Variants in ANTXR2 observed in about 807,000 individuals in gnomAD.
The protein encoded by ANTXR2 is ANTXR cell adhesion molecule 2.
In ANTXR2, 44 loss-of-function variants were observed where a neutral mutation model predicts 73.7. The observed-to-expected ratio is 0.60, with a 90% CI of 0.47 to 0.77. The LOEUF (loss-of-function observed/expected upper bound fraction) is 0.77, where lower values mean the gene tolerates loss of function less well. Ranked by LOEUF, ANTXR2 falls within the 30% of genes least tolerant of loss-of-function variation. The pLI, the probability that ANTXR2 is intolerant of heterozygous loss-of-function variation, is 0.00. For synonymous variants in ANTXR2, 217 were observed against 205.9 expected, an observed-to-expected ratio of 1.05 and a Z score of -0.46; for missense variants, 604 against 592.5, an observed-to-expected ratio of 1.02 and a Z score of -0.20.
intron 16 of ANTXR2, among the ~76,000 whole-genome samples, chr4:79,931,661 G>A (rs1728064136): frequency 6.6e-6 from 1 of 152,268 alleles, no homozygotes; most frequent in South Asian, 2.1e-4. Context: ...GCACTTACAG[G>A]AAGTCTGTGA....
At chr4:80,068,070 G>A (rs2110123296) in intron 3 of ANTXR2, among the ~76,000 whole-genome samples, 1 of 152,270 alleles carries the variant, frequency 6.6e-6, no homozygotes, top group East Asian at 1.9e-4. Flanking sequence ...AGCATCTGCA[G>A]GGAGATTTTC....
At chr4:80,046,354 A>G (rs912464461) in intron 7 of ANTXR2, among the ~76,000 whole-genome samples, 6 of 151,754 alleles carry the variant, frequency 4.0e-5, no homozygotes, top group Non-Finnish European at 8.8e-5. Context: ...ATCTGCCACT[A>G]CTTTTTGGTT....
intron 11 of ANTXR2, among the ~76,000 whole-genome samples, chr4:80,012,380 A>C (rs1042504791): frequency 5.3e-5 from 8 of 152,176 alleles, no homozygotes; most frequent in Non-Finnish European, 1.0e-4. Flanking sequence ...TGAAAAAATC[A>C]AAAGAAGAAT....
intron 10 of ANTXR2, among the ~76,000 whole-genome samples, chr4:80,030,175 T>C (rs1184055943): frequency 6.6e-6 from 1 of 151,984 alleles, no homozygotes; most frequent in African/African-American, 2.4e-5. Flanking sequence ...AAATTAGAGC[T>C]AAGATTTGTT....
chr4:80,015,325 C>A (rs1043435069), intron 11 of ANTXR2, among the ~76,000 whole-genome samples: 3 of 152,188 alleles, frequency 2.0e-5, no homozygotes, highest in Non-Finnish European at 4.4e-5. Context: ...AACATTCCCC[C>A]ATAACCACCA....
chr4:79,912,518 G>A (rs987044629), intron 16 of ANTXR2, among the ~76,000 whole-genome samples: 1 of 151,884 alleles, frequency 6.6e-6, no homozygotes, highest in Non-Finnish European at 1.5e-5. Flanking sequence ...AACTTATATT[G>A]AAAACATTAC....
At chr4:80,034,728 T>G (rs188548856) in intron 8 of ANTXR2, among the ~76,000 whole-genome samples, 4 of 152,318 alleles carry the variant, frequency 2.6e-5, no homozygotes, top group Admixed American at 1.3e-4. Context: ...TTTTGCCTGC[T>G]TAAGGCTTCT....
At chr4:79,988,932 A>C (rs1730333931) in intron 12 of ANTXR2, among the ~76,000 whole-genome samples, 1 of 152,150 alleles carries the variant, frequency 6.6e-6, no homozygotes, top group East Asian at 1.9e-4. Context: ...GAAATTTAAA[A>C]ATTCTTTGAA....
At chr4:80,036,994 A>G (rs774473267) in intron 7 of ANTXR2, among the ~76,000 whole-genome samples, 20 of 152,140 alleles carry the variant, frequency 1.3e-4, no homozygotes, top group Non-Finnish European at 2.5e-4. Context: ...TTCCCAGAAC[A>G]CAGGAACAGA....
At position 80,067,606 on chromosome 4, in the gene ANTXR2, A is replaced by G. The variant is rs774859428; in HGVS notation, c.296+1830T>C. ...GGCAATGGAGAAAATTTATTTTCAT[A>G]AAGGCGAGAACTGTTAAATCACTGA... On this transcript the variant is annotated intron_variant, in intron 3 of 16. Coordinates refer to ENST00000403729, the MANE Select transcript of ANTXR2 (RefSeq NM_058172.6). Among the ~76,000 whole-genome samples the G allele has an allele frequency of 3.3e-4, 50 of 152,352 alleles. 1 individual carries two copies. Among genetic ancestry groups the G allele is most frequent in the Middle Eastern group, 3.4e-3 (1 of 294 alleles).
chr4:79,962,118 T>C (rs1316029740), intron 16 of ANTXR2, among the ~76,000 whole-genome samples: 1 of 152,170 alleles, frequency 6.6e-6, no homozygotes, highest in African/African-American at 2.4e-5. Flanking sequence ...TATACCTAAT[T>C]AAGAGATTAT....
intron 10 of ANTXR2, among the ~76,000 whole-genome samples, chr4:80,020,913 G>A (rs1015200422): frequency 6.6e-6 from 1 of 152,172 alleles, no homozygotes; most frequent in Non-Finnish European, 1.5e-5. Context: ...TGTAATCCCA[G>A]CACTTTGGGT....
At position 79,905,682 on chromosome 4, in the gene ANTXR2, A is replaced by C. The variant is rs565233339; in HGVS notation, c.*1747T>G. 10 of 152,238 alleles carry C rather than the reference A, an allele frequency of 6.6e-5. No individual in the cohort carries two copies. The highest frequency in any genetic ancestry group is 1.0e-4 in the Non-Finnish European group (7 of 68,032). 9.4% of individuals were successfully genotyped at this position (152,238 alleles called of 1,614,324 possible). A position where few individuals can be genotyped will look rare whatever the true frequency, so the allele number is the denominator to read the frequency against. On this transcript the variant is annotated 3_prime_UTR_variant, in exon 17 of 17. Coordinates refer to ENST00000403729, the MANE Select transcript of ANTXR2 (RefSeq NM_058172.6). The stretch of plus-strand genomic sequence containing the variant: ...TTCAAGCTAGAGGATATATATGTAT[A>C]GAAAATTATATATTTGTGTGTGTGT...
rs1290276796 is a variant in ANTXR2, at chr4:79,904,338, T to G, written c.*3091A>C. 1 of 152,252 alleles carries G rather than the reference T, an allele frequency of 6.6e-6. No homozygotes were observed. The highest frequency in any genetic ancestry group is 1.9e-4 in the East Asian group (1 of 5,180). 9.4% of individuals were successfully genotyped at this position (152,252 alleles called of 1,614,324 possible). ...TCTGAAATACATGGGGGTTTAAACC[T>G]TCTATATTTTTGTCAAAATAGTAAT... On this transcript the variant is annotated 3_prime_UTR_variant, in exon 17 of 17. Coordinates refer to ENST00000403729, the MANE Select transcript of ANTXR2 (RefSeq NM_058172.6).
At chr4:80,030,632 C>T (rs545886811) in intron 10 of ANTXR2, among the ~76,000 whole-genome samples, 12 of 152,218 alleles carry the variant, frequency 7.9e-5, no homozygotes, top group Admixed American at 7.2e-4. Context: ...CTCCAATTTA[C>T]TTGCATGACC....
chr4:80,003,339 C>T (rs529093794), intron 12 of ANTXR2, among the ~76,000 whole-genome samples: 119 of 140,474 alleles, frequency 8.5e-4, no homozygotes, highest in Non-Finnish European at 1.0e-3. Flanking sequence ...CATATTCTCA[C>T]TCATAGGTGG....
At chr4:80,054,468 C>T in intron 6 of ANTXR2, 116 bp from the exon 7 acceptor site, 4 of 696,766 alleles carry the variant, frequency 5.7e-6, no homozygotes, top group South Asian at 4.0e-5. Flanking sequence ...GATTAATTTA[C>T]CAGCGTGATC....
At chr4:80,054,894 C>T (rs577404373) in intron 6 of ANTXR2, among the ~76,000 whole-genome samples, 25 of 151,514 alleles carry the variant, frequency 1.7e-4, no homozygotes, top group Non-Finnish European at 4.4e-5. Flanking sequence ...ATATGTGTAT[C>T]ATTTCAAGCC....
intron 16 of ANTXR2, 78 bp downstream of exon 16, chr4:79,977,543 T>G: frequency 6.6e-7 from 1 of 1,525,734 alleles, no homozygotes; most frequent in Non-Finnish European, 8.8e-7. Context: ...TTAAAATCAT[T>G]TTTTATTACT....
Sources: allele counts gnomAD v4.1 joint callset (sites outside exome capture counted in the v4.1 genomes callset), GRCh38; gene constraint gnomAD v4.1.1; transcripts MANE v1.5; gene names NCBI Gene and HGNC (gene_info 2026-07-23, HGNC 2026-07-21).